Variants in CLCN6 observed in about 807,000 individuals in gnomAD.
CLCN6 encodes the protein Cl-/H+ antiporter 6, also known as H(+)/Cl(-) exchange transporter 6.
Under a neutral mutation model 109.8 loss-of-function variants are expected in CLCN6, and 70 were observed. That is an observed-to-expected ratio of 0.64 (90% confidence interval 0.53 to 0.78). The LOEUF (loss-of-function observed/expected upper bound fraction) is 0.78, where lower values mean the gene tolerates loss of function less well. Among genes scored for constraint, CLCN6 ranks in the 30% least tolerant of loss-of-function variants. The pLI is 0.00. For synonymous variants in CLCN6, 444 were observed against 447.8 expected (o/e 0.99, Z 0.11); for missense variants, 984 against 1,142.3 (o/e 0.86, Z 2.00).
intron 6 of CLCN6, 39 bp from the exon 7 acceptor site, chr1:11,823,668 G>A: frequency 6.2e-7 from 1 of 1,613,720 alleles, no homozygotes; most frequent in Non-Finnish European, 8.5e-7. Context: ...GAGAACCAAT[G>A]GATTTCGAGT....
rs1645005521 is a variant in CLCN6 at position 11,840,437 on chromosome 1, A to T, written c.*214A>T. The T allele has an allele frequency of 1.2e-5, 7 of 602,678 alleles. 1 individual carries two copies. Among genetic ancestry groups the T allele is most frequent in the Non-Finnish European group, 1.5e-5 (5 of 334,300 alleles). 37.3% of individuals were successfully genotyped at this position (602,678 alleles called of 1,614,324 possible). A position where few individuals can be genotyped will look rare whatever the true frequency, so the allele number is the denominator to read the frequency against. ...GACTTTTCTGACTTCCCCAGCAAGG[A>T]TCTTCCCACTTCCTGCTCCCTGTGT... On this transcript the variant is annotated 3_prime_UTR_variant, in exon 23 of 23. Transcript: ENST00000346436.
chr1:11,830,776 C>CACTA (rs1213012368), intron 13 of CLCN6, among the ~76,000 whole-genome samples: 17 of 118,116 alleles, frequency 1.4e-4, no homozygotes, highest in African/African-American at 5.4e-4. Context: ...CACACACACA[C>CACTA]TATATATACA....
chr1:11,836,739 T>G (rs1226425362), intron 18 of CLCN6, among the ~76,000 whole-genome samples: 2 of 152,126 alleles, frequency 1.3e-5, no homozygotes. Context: ...CAAGACAGGA[T>G]GTAGGAGATG....
In CLCN6 at chr1:11,836,148, T is replaced by C; in HGVS notation, c.1975T>C (p.Phe659Leu). Residue 659 changes from phenylalanine to leucine, a missense_variant, in exon 18 of 23, where the codon TTC becomes CTC. Physicochemically the swap from Phe to Leu is conservative, Grantham distance 22. Transcript: ENST00000346436. Reference sequence around the variant, plus strand: ...CCAGCTCATCAGCAACAACATCAAGTTCAAGGTAAAGAAAACGGCATGAGA... The same window carrying C: ...CCAGCTCATCAGCAACAACATCAAGCTCAAGGTAAAGAAAACGGCATGAGA... The part of the protein sequence containing the change: ...GNQLISNNIK[F>L]KKSSILTRAG... 1 of 1,612,138 alleles carries C rather than the reference T, an allele frequency of 6.2e-7. No homozygotes were observed. The highest frequency in any genetic ancestry group is 8.5e-7 in the Non-Finnish European group (1 of 1,179,390).
At chr1:11,816,578 C>T (rs780574519) in intron 3 of CLCN6, 37 bp from the exon 4 acceptor site, 2 of 1,590,438 alleles carry the variant, frequency 1.3e-6, no homozygotes, top group South Asian at 1.1e-5. Context: ...GCCACCATAA[C>T]CCTGTAAACT....
chr1:11,822,933 A>G (rs1304581895), intron 6 of CLCN6, 132 bp downstream of exon 6: 2 of 645,412 alleles, frequency 3.1e-6, no homozygotes, highest in East Asian at 5.5e-5. Flanking sequence ...TGTTCACTAA[A>G]GGTAAAGGTT....
At chr1:11,837,881 G>C (rs1335470847) in intron 20 of CLCN6, among the ~76,000 whole-genome samples, 1 of 152,042 alleles carries the variant, frequency 6.6e-6, no homozygotes, top group Non-Finnish European at 1.5e-5. Flanking sequence ...CCCTAAGGAC[G>C]CTTGTCACCG....
rs778497121 is a variant in CLCN6 at position 11,815,863 on chromosome 1, C to T, written c.165C>T (p.Arg55=). The change falls in exon 3 of 23, where the codon CGC becomes CGT. Residue 55 remains arginine (R), a synonymous_variant. Transcript: ENST00000346436. ...RKDYESLDYD[R]CINDPYLEVL... Reference sequence around the variant, plus strand: ...CTTTTCAGAGTTTGGATTATGATCGCTGTATCAATGACCCTTACCTGGAAG... The same window carrying T: ...CTTTTCAGAGTTTGGATTATGATCGTTGTATCAATGACCCTTACCTGGAAG... The T allele has an allele frequency of 1.2e-5, 19 of 1,613,732 alleles. No homozygotes were observed. The highest frequency in any genetic ancestry group is 1.5e-5 in the Non-Finnish European group (18 of 1,179,796).
At chr1:11,807,835 A>G (rs1222614422) in intron 2 of CLCN6, among the ~76,000 whole-genome samples, 1 of 152,234 alleles carries the variant, frequency 6.6e-6, no homozygotes, top group Non-Finnish European at 1.5e-5. Flanking sequence ...GCTTTTATAT[A>G]CATGATACAT....
chr1:11,811,045 A>G (rs1644591890), intron 2 of CLCN6, among the ~76,000 whole-genome samples: 1 of 152,070 alleles, frequency 6.6e-6, no homozygotes, highest in South Asian at 2.1e-4. Flanking sequence ...ACTCCATCTC[A>G]ACAACAAATA....
intron 4 of CLCN6, among the ~76,000 whole-genome samples, chr1:11,818,727 A>G (rs79871593): frequency 7.4e-4 from 113 of 152,300 alleles, no homozygotes; most frequent in Admixed American, 7.0e-3. Flanking sequence ...AGAGTGGAAT[A>G]CTGGAATTTG....
Position 11,838,382 on chromosome 1 carries a change from C to T in CLCN6, c.2343C>T (p.Tyr781=). The T allele has an allele frequency of 6.2e-7, 1 of 1,613,836 alleles. No homozygotes were observed. The highest frequency in any genetic ancestry group is 8.5e-7 in the Non-Finnish European group (1 of 1,179,980). Reference sequence around the variant, plus strand: ...CCTATGCCGAGATGGCCGAGGACTACCCGCGGTACCCCGACATCCACGACC... The same window carrying T: ...CCTATGCCGAGATGGCCGAGGACTATCCGCGGTACCCCGACATCCACGACC... ...RLSYAEMAED[Y]PRYPDIHDLD... is the part of the protein sequence containing the mutation. The change falls in exon 21 of 23, where the codon TAC becomes TAT. Residue 781 remains tyrosine, a synonymous_variant. Coordinates refer to ENST00000346436, the MANE Select transcript of CLCN6 (RefSeq NM_001286.5).
chr1:11,828,617 C>A lies in CLCN6; in HGVS notation c.1114C>A (p.Leu372Ile). ...RMRNVHPKPKLVRVLESLLVS... is the reference protein window; with the variant it reads ...RMRNVHPKPKIVRVLESLLVS... ...GCGAAACGTGCACCCGAAACCTAAGCTCGTCAGGTATCTGCACAGTCGCCT... is the reference window on the plus strand; with the variant it reads ...GCGAAACGTGCACCCGAAACCTAAGATCGTCAGGTATCTGCACAGTCGCCT... Residue 372 changes from leucine (L) to isoleucine (I), a missense_variant, in exon 12 of 23, where the codon CTC becomes ATC. Leu to Ile is a conservative substitution (Grantham distance 5). Transcript: ENST00000346436. 6.2e-7 allele frequency: 1 copy of A among 1,607,612 alleles called. No homozygotes were observed. Among genetic ancestry groups the A allele is most frequent in the Non-Finnish European group, 8.5e-7 (1 of 1,176,800 alleles).
intron 5 of CLCN6, among the ~76,000 whole-genome samples, chr1:11,821,375 T>A (rs544986513): frequency 6.6e-6 from 1 of 152,196 alleles, no homozygotes; most frequent in South Asian, 2.1e-4. Flanking sequence ...CTGGCCAACA[T>A]GGTGAAACCC....
intron 2 of CLCN6, among the ~76,000 whole-genome samples, chr1:11,810,573 C>T (rs1296118114): frequency 6.6e-6 from 1 of 152,210 alleles, no homozygotes; most frequent in Non-Finnish European, 1.5e-5. Flanking sequence ...CTCGTAACCC[C>T]CTGTAACAGC....
At chr1:11,833,254 C>T (rs908109062) in intron 13 of CLCN6, among the ~76,000 whole-genome samples, 19 of 152,118 alleles carry the variant, frequency 1.2e-4, no homozygotes, top group African/African-American at 4.6e-4. Flanking sequence ...ACCAAATTCA[C>T]GGTGAATCAC....
chr1:11,813,885 A>C (rs1340577963), intron 2 of CLCN6, among the ~76,000 whole-genome samples: 1 of 152,102 alleles, frequency 6.6e-6, no homozygotes, highest in Non-Finnish European at 1.5e-5. Context: ...CTTTATTTTT[A>C]TTTTTTAATT....
intron 22 of CLCN6, chr1:11,839,034 A>G (rs1644987347): frequency 1.6e-6 from 1 of 626,746 alleles, no homozygotes; most frequent in South Asian, 1.8e-5. Flanking sequence ...ACAAAGATAT[A>G]AAACACCTAG....
Position 11,834,091 on chromosome 1 carries a change from T to C in CLCN6, c.1526+61T>C. Reference sequence around the variant, plus strand: ...ATGTGTGTGCACGTGTGCGTGTGTATGCATGTGTGTGCGTGTGCGTGCGTT... The same window carrying C: ...ATGTGTGTGCACGTGTGCGTGTGTACGCATGTGTGTGCGTGTGCGTGCGTT... On this transcript the variant is annotated intron_variant, in intron 15 of 22. Coordinates refer to ENST00000346436, the MANE Select transcript of CLCN6 (RefSeq NM_001286.5). The surrounding 1 kb of genome is among the most constrained non-coding windows in gnomAD (Gnocchi z 4.5). 6.3e-7 allele frequency: 1 copy of C among 1,599,530 alleles called. No individual in the cohort carries two copies. Among genetic ancestry groups the C allele is most frequent in the Non-Finnish European group, 8.5e-7 (1 of 1,172,760 alleles).
Sources: allele counts gnomAD v4.1 joint callset (sites outside exome capture counted in the v4.1 genomes callset), GRCh38; gene constraint gnomAD v4.1.1; non-coding constraint Gnocchi (gnomAD v3.1); transcripts MANE v1.5; gene names NCBI Gene and HGNC (gene_info 2026-07-23, HGNC 2026-07-21).